Variants in TBC1D19 observed in about 807,000 individuals in gnomAD.
TBC1D19 encodes the protein TBC1 domain family, member 19.
In TBC1D19, 60 loss-of-function variants were observed where a neutral mutation model predicts 89.0. That is an observed-to-expected ratio of 0.67 (90% CI 0.55 to 0.84). TBC1D19 has a LOEUF of 0.84. TBC1D19 is among the 40% of genes least tolerant of loss of function. The probability of loss-of-function intolerance (pLI) is 0.00; values close to 1 mark genes in which losing one functional copy is unlikely to be tolerated. For missense variants in TBC1D19, 500 were observed against 610.8 expected, an observed-to-expected ratio of 0.82 and a Z score of 1.91; for synonymous variants, 189 against 199.7, an observed-to-expected ratio of 0.95 and a Z score of 0.45.
At chr4:26,720,911 G>A (rs1402643001) in intron 15 of TBC1D19, among the ~76,000 whole-genome samples, 2 of 152,104 alleles carry the variant, frequency 1.3e-5, no homozygotes, top group African/African-American at 2.4e-5. Flanking sequence ...TGCCTGACAT[G>A]TAGTGAGTGC....
rs775868853 is a variant in TBC1D19, at chr4:26,739,869, C to A, written c.1123C>A (p.Pro375Thr). 1.3e-6 allele frequency: 2 copies of A among 1,552,628 alleles called. No individual in the cohort carries two copies. Among genetic ancestry groups the A allele is most frequent in the East Asian group, 2.4e-5 (1 of 41,858 alleles). Residue 375 changes from proline to threonine, a missense_variant, in exon 17 of 21, where the codon CCA (proline) becomes ACA (threonine). Coordinates refer to ENST00000264866, the MANE Select transcript of TBC1D19 (RefSeq NM_018317.4). ...PFHGFSMYVA[P>T]LCFLYHEPSK... is the part of the protein sequence containing the mutation. ...AATTAATTTTTTTCTTTCAGTTGCA[C>A]CACTTTGTTTTCTATACCATGAACC...
the TBC1D19 span, among the ~76,000 whole-genome samples, chr4:26,777,820 C>T: frequency 1.3e-5 from 2 of 152,100 alleles, no homozygotes; most frequent in African/African-American, 4.8e-5. Flanking sequence ...GTGGCTCATG[C>T]CTGTAATCCC....
At chr4:26,591,261 G>A (rs77536681) in intron 1 of TBC1D19, among the ~76,000 whole-genome samples, 3,377 of 151,632 alleles carry the variant, frequency 0.022, 119 homozygotes, top group African/African-American at 0.076. Context: ...ATATTTTATT[G>A]TATAGATGTA....
At position 26,688,416 on chromosome 4, in the gene TBC1D19, A is replaced by G. The variant is rs540326265; in HGVS notation, c.954+9A>G. 2.4e-4 allele frequency: 372 copies of G among 1,545,552 alleles called. No homozygotes were observed. Among genetic ancestry groups the G allele is most frequent in the Admixed American group, 1.1e-3 (62 of 54,810 alleles). On this transcript the variant is annotated intron_variant, in intron 13 of 20. Transcript: ENST00000264866. ...AAGATTATTTATATCAGGTAAGTTT[A>G]AAAATAAAAATACATAGTGTTCTTG...
At chr4:26,748,853 A>T (rs929951923) in intron 19 of TBC1D19, among the ~76,000 whole-genome samples, 1 of 151,654 alleles carries the variant, frequency 6.6e-6, no homozygotes, top group Non-Finnish European at 1.5e-5. Flanking sequence ...GAGTGTAGAT[A>T]TACTTCCCTT....
intron 13 of TBC1D19, among the ~76,000 whole-genome samples, chr4:26,712,219 A>G (rs1317764251): frequency 6.6e-6 from 1 of 151,974 alleles, no homozygotes; most frequent in East Asian, 1.9e-4. Context: ...GATTGGTTCT[A>G]TTAGTTTATT....
intron 7 of TBC1D19, 74 bp from the exon 8 acceptor site, chr4:26,659,523 A>C: frequency 1.1e-6 from 1 of 908,670 alleles, no homozygotes. Flanking sequence ...TACACTAAGA[A>C]TATCCCTGCT....
chr4:26,692,478 A>G (rs1354071420), intron 13 of TBC1D19, among the ~76,000 whole-genome samples: 1 of 152,240 alleles, frequency 6.6e-6, no homozygotes, highest in Non-Finnish European at 1.5e-5. Flanking sequence ...CTCACAAAGC[A>G]GAAGTGTCAC....
chr4:26,660,358 T>C (rs1412638365), intron 8 of TBC1D19, among the ~76,000 whole-genome samples: 2 of 152,192 alleles, frequency 1.3e-5, no homozygotes, highest in African/African-American at 2.4e-5. Context: ...GCACTGATGA[T>C]AAATGACTTA....
At chr4:26,749,214 T>C (rs902924911) in intron 19 of TBC1D19, among the ~76,000 whole-genome samples, 1 of 152,202 alleles carries the variant, frequency 6.6e-6, no homozygotes, top group Non-Finnish European at 1.5e-5. Context: ...ATTATTTTGC[T>C]TCTCTTGTGC....
chr4:26,797,094 C>G, the TBC1D19 span, among the ~76,000 whole-genome samples: 1 of 152,144 alleles, frequency 6.6e-6, no homozygotes, highest in Non-Finnish European at 1.5e-5. Flanking sequence ...GTGAAATTAT[C>G]TCTGTTCACC....
intron 18 of TBC1D19, among the ~76,000 whole-genome samples, chr4:26,744,687 T>C (rs1718548508): frequency 6.6e-6 from 1 of 152,150 alleles, no homozygotes; most frequent in Non-Finnish European, 1.5e-5. Context: ...GAAAGCTATC[T>C]TTCTGGCATT....
intron 1 of TBC1D19, among the ~76,000 whole-genome samples, chr4:26,592,888 A>G (rs1316956394): frequency 2.0e-5 from 3 of 152,212 alleles, no homozygotes; most frequent in Admixed American, 2.0e-4. Flanking sequence ...GGGAAGAATC[A>G]ATATCATGAA....
At chr4:26,846,619 T>C in the TBC1D19 span, among the ~76,000 whole-genome samples, 25 of 152,220 alleles carry the variant, frequency 1.6e-4, no homozygotes, top group Non-Finnish European at 3.4e-4. Flanking sequence ...GTTTGTAAAT[T>C]ATATAATTTA....
intron 11 of TBC1D19, among the ~76,000 whole-genome samples, chr4:26,678,333 A>C (rs1006718244): frequency 6.6e-6 from 1 of 152,204 alleles, no homozygotes; most frequent in Non-Finnish European, 1.5e-5. Context: ...ACAAGTCTCA[A>C]TTATTTTAGG....
At chr4:26,832,625 C>A in the TBC1D19 span, among the ~76,000 whole-genome samples, 1 of 152,034 alleles carries the variant, frequency 6.6e-6, no homozygotes, top group Non-Finnish European at 1.5e-5. Flanking sequence ...CAAATGACTT[C>A]AGAGGAAAAA....
intron 18 of TBC1D19, among the ~76,000 whole-genome samples, chr4:26,744,627 C>G (rs1474204644): frequency 2.0e-5 from 3 of 151,898 alleles, no homozygotes; most frequent in Non-Finnish European, 4.4e-5. Context: ...GTGGTTTCCT[C>G]TTTGAATATG....
the TBC1D19 span, among the ~76,000 whole-genome samples, chr4:26,780,953 C>T: frequency 2.9e-4 from 44 of 152,306 alleles, no homozygotes; most frequent in Non-Finnish European, 5.0e-4. Flanking sequence ...CTCCGGCAGC[C>T]TTAAGCATCA....
intron 15 of TBC1D19, among the ~76,000 whole-genome samples, chr4:26,730,574 A>G (rs2109294308): frequency 6.6e-6 from 1 of 152,326 alleles, no homozygotes; most frequent in Non-Finnish European, 1.5e-5. Flanking sequence ...TCATAAACTG[A>G]TAAAGTCTAC....
Sources: allele counts gnomAD v4.1 joint callset (sites outside exome capture counted in the v4.1 genomes callset), GRCh38; gene constraint gnomAD v4.1.1; transcripts MANE v1.5; gene names NCBI Gene and HGNC (gene_info 2026-07-23, HGNC 2026-07-21).